IMPG2: variants seen among roughly 807,000 people sequenced by gnomAD.
The protein encoded by IMPG2 is interphotoreceptor matrix proteoglycan 2, also known as IPM 200.
A neutral mutation model predicts 129.2 loss-of-function variants in IMPG2; 91 were observed. That is an observed-to-expected ratio of 0.70 (90% CI 0.59 to 0.84). The LOEUF is 0.84. Ranked by LOEUF, IMPG2 falls within the 40% of genes least tolerant of loss-of-function variation. The pLI is 0.00. For missense variants in IMPG2, 1,430 were observed against 1,461.7 expected, an observed-to-expected ratio of 0.98 and a Z score of 0.35; for synonymous variants, 510 against 517.7, an observed-to-expected ratio of 0.99 and a Z score of 0.20.
intron 3 of IMPG2, among the ~76,000 whole-genome samples, chr3:101,303,304 T>C (rs1056498880): frequency 2.0e-5 from 3 of 152,218 alleles, no homozygotes; most frequent in African/African-American, 7.2e-5. Flanking sequence ...TTTTGACTCA[T>C]AGTCTAGAAG....
At chr3:101,275,565 A>G (rs559666834) in intron 6 of IMPG2, 98 bp downstream of exon 6, 2 of 889,710 alleles carry the variant, frequency 2.2e-6, no homozygotes, top group East Asian at 2.4e-5. Context: ...ACAGGACACT[A>G]CATGAAGTCC....
intron 9 of IMPG2, among the ~76,000 whole-genome samples, chr3:101,263,107 C>G (rs1706687612): frequency 6.6e-6 from 1 of 151,966 alleles, no homozygotes; most frequent in African/African-American, 2.4e-5. Context: ...CAGTTGAGGA[C>G]TTCAACACCC....
intron 2 of IMPG2, among the ~76,000 whole-genome samples, chr3:101,312,501 T>G (rs1559660911): frequency 6.6e-6 from 1 of 151,962 alleles, no homozygotes; most frequent in Non-Finnish European, 1.5e-5. Flanking sequence ...TGGTTATACT[T>G]TTTTTAAAAA....
chr3:101,274,343 CA>C (rs528349656), intron 6 of IMPG2, among the ~76,000 whole-genome samples: 179 of 152,100 alleles, frequency 1.2e-3, no homozygotes, highest in African/African-American at 4.2e-3. Flanking sequence ...TACAGGTCAG[CA>C]AAATGATCAT....
chr3:101,300,844 G>A (rs1245618087), intron 3 of IMPG2, among the ~76,000 whole-genome samples: 2 of 152,172 alleles, frequency 1.3e-5, no homozygotes, highest in South Asian at 2.1e-4. Context: ...TTTCCTTTGC[G>A]TTCACAACTT....
chr3:101,279,703 G>A (rs1036536992), intron 4 of IMPG2, among the ~76,000 whole-genome samples: 7 of 152,192 alleles, frequency 4.6e-5, no homozygotes, highest in Non-Finnish European at 8.8e-5. Context: ...AATTGTCTCC[G>A]ACGTCAAATC....
At chr3:101,246,254 G>T in intron 11 of IMPG2, 149 bp from the exon 12 acceptor site, 1 of 695,620 alleles carries the variant, frequency 1.4e-6, no homozygotes, top group Non-Finnish European at 2.3e-6. Context: ...GGAGACATGG[G>T]CTCCAGAATC....
At chr3:101,246,657 A>T (rs1022848219) in intron 11 of IMPG2, among the ~76,000 whole-genome samples, 3 of 152,232 alleles carry the variant, frequency 2.0e-5, no homozygotes, top group Non-Finnish European at 4.4e-5. Context: ...TATCACACTT[A>T]GGAAACATTA....
chr3:101,243,798 T>G lies in IMPG2; in HGVS notation c.2533A>C (p.Ile845Leu). 1 of 1,614,168 alleles carries G rather than the reference T, an allele frequency of 6.2e-7. No homozygotes were observed. The highest frequency in any genetic ancestry group is 1.3e-5 in the African/African-American group (1 of 75,058). Residue 845 changes from isoleucine to leucine, a missense_variant, in exon 13 of 19, where the codon ATA becomes CTA. Coordinates refer to ENST00000193391, the MANE Select transcript of IMPG2 (RefSeq NM_016247.4). ...TCAGGCTGATAGTAATCTGTGCCTA[T>G]CCGGTCCAGTTCTAACGAAATATCC... ...VQDISLELDR[I>L]GTDYYQPEQV...
chr3:101,296,892 C>T (rs571528749), intron 3 of IMPG2, among the ~76,000 whole-genome samples: 138 of 152,042 alleles, frequency 9.1e-4, no homozygotes, highest in Non-Finnish European at 4.4e-4. Flanking sequence ...TATTCTCTGA[C>T]GGCAGTTTTT....
intron 3 of IMPG2, among the ~76,000 whole-genome samples, chr3:101,300,103 T>C (rs1707123825): frequency 1.3e-5 from 2 of 152,214 alleles, no homozygotes; most frequent in East Asian, 3.9e-4. Context: ...TGGATGGAGT[T>C]GTTGGAGTTC....
At chr3:101,296,900 T>TTTG (rs765211156) in intron 3 of IMPG2, among the ~76,000 whole-genome samples, 14 of 152,086 alleles carry the variant, frequency 9.2e-5, no homozygotes, top group Middle Eastern at 3.4e-3. Context: ...GACGGCAGTT[T>TTTG]TTGTTGTTGT....
chr3:101,310,508 T>G (rs1463622070), intron 2 of IMPG2, among the ~76,000 whole-genome samples: 1 of 146,360 alleles, frequency 6.8e-6, no homozygotes, highest in Non-Finnish European at 1.5e-5. Context: ...CGCAGTGAGG[T>G]GTAATCACAC....
chr3:101,296,645 G>A (rs1490618047), intron 3 of IMPG2, among the ~76,000 whole-genome samples: 3 of 152,128 alleles, frequency 2.0e-5, no homozygotes, highest in Non-Finnish European at 4.4e-5. Context: ...AATGGTACCA[G>A]CTCCTCTTTG....
In IMPG2 at chr3:101,245,986, A is replaced by G. The variant is rs769940333; in HGVS notation, c.1359T>C (p.Ser453=). Residue 453 remains serine, a synonymous_variant, in exon 12 of 19, where the codon AGT becomes AGC. Transcript: ENST00000193391. Reference sequence around the variant, plus strand: ...GTGTAGACACTAAATCACCCAAAGGACTTTCTGACCAGAGTTCCCTGCCAG... The same window carrying G: ...GTGTAGACACTAAATCACCCAAAGGGCTTTCTGACCAGAGTTCCCTGCCAG... ...SATGRELWSE[S]PLGDLVSTHK... is the part of the protein sequence containing the mutation. 6.2e-7 allele frequency: 1 copy of G among 1,614,148 alleles called. No homozygotes were observed. The highest frequency in any genetic ancestry group is 2.2e-5 in the East Asian group (1 of 44,876).
chr3:101,301,674 T>G (rs556704955), intron 3 of IMPG2, among the ~76,000 whole-genome samples: 8 of 152,348 alleles, frequency 5.3e-5, no homozygotes, highest in African/African-American at 1.9e-4. Flanking sequence ...GGCCATTCCT[T>G]CACCCTGTCT....
chr3:101,231,009 T>C lies in IMPG2; in HGVS notation c.3370A>G (p.Ile1124Val). 1 of 1,614,048 alleles carries C rather than the reference T, an allele frequency of 6.2e-7. No individual in the cohort carries two copies. The highest frequency in any genetic ancestry group is 8.5e-7 in the Non-Finnish European group (1 of 1,179,924). ...TCATGGTGTGCTTGGAGAGTCCTGATGAAGAAGTAGATGATAGCAGAAAAG... is the reference window on the plus strand; with the variant it reads ...TCATGGTGTGCTTGGAGAGTCCTGACGAAGAAGTAGATGATAGCAGAAAAG... The part of the protein sequence containing the change: ...VIFSAIIYFF[I>V]RTLQAHHDRS... The change falls in exon 16 of 19, where the codon ATC becomes GTC. Residue 1124 changes from isoleucine to valine, a missense_variant. Coordinates refer to ENST00000193391, the MANE Select transcript of IMPG2 (RefSeq NM_016247.4).
chr3:101,262,872 C>A (rs1156437420), intron 9 of IMPG2, among the ~76,000 whole-genome samples: 1 of 150,788 alleles, frequency 6.6e-6, no homozygotes, highest in Non-Finnish European at 1.5e-5. Context: ...ATATCCCACA[C>A]AAACAGAAAC....
At chr3:101,273,782 T>C (rs749301191) in intron 6 of IMPG2, 40 bp from the exon 7 acceptor site, 4 of 1,574,650 alleles carry the variant, frequency 2.5e-6, no homozygotes, top group Admixed American at 3.4e-5. Context: ...TCAAGGCTTA[T>C]TCATTCAATC....
Sources: gnomAD v4.1 joint callset for allele counts (sites outside exome capture counted in the v4.1 genomes callset) on GRCh38, gnomAD v4.1.1 for gene constraint, MANE v1.5 for transcripts, NCBI Gene and HGNC (gene_info 2026-07-23, HGNC 2026-07-21) for gene names.